The following PDE6A variants were observed in gnomAD, a reference collection of about 807,000 sequenced individuals.
PDE6A encodes the protein phosphodiesterase 6A, also known as rod cGMP-specific 3',5'-cyclic phosphodiesterase subunit alpha.
PDE6A carries 84 observed loss-of-function variants against 106.3 expected under a neutral mutation model. The ratio of observed to expected loss-of-function variants is 0.79; its 90% CI spans 0.66 to 0.95. The LOEUF is 0.95. PDE6A is among the 40% of genes least tolerant of loss of function. The pLI, the probability that PDE6A is intolerant of heterozygous loss-of-function variation, is 0.00. For synonymous variants in PDE6A, 394 were observed against 386.6 expected (o/e 1.02, Z -0.23); for missense variants, 1,052 against 1,084.9 (o/e 0.97, Z 0.43).
At position 149,899,604 on chromosome 5, in the gene PDE6A, G is replaced by C. The variant is rs1752893608; in HGVS notation, c.1114-80C>G. Reference sequence around the variant, plus strand: ...GATGATAGATTTCACCCTACATCATGACCCTGATTGGCTGAGAGGAGGTGG... The same window carrying C: ...GATGATAGATTTCACCCTACATCATCACCCTGATTGGCTGAGAGGAGGTGG... On this transcript the variant is annotated intron_variant, in intron 8 of 21. Coordinates refer to ENST00000255266, the MANE Select transcript of PDE6A (RefSeq NM_000440.3). 5 of 1,396,628 alleles carry C rather than the reference G, an allele frequency of 3.6e-6. No individual in the cohort carries two copies. In the African/African-American group the frequency reaches 7.1e-5, roughly 20 times the overall value. 86.5% of individuals were successfully genotyped at this position (1,396,628 alleles called of 1,614,324 possible). A position where few individuals can be genotyped will look rare whatever the true frequency, so the allele number is the denominator to read the frequency against.
rs386405293 is a variant in PDE6A, at chr5:149,910,874, C to CTTTTTTTT, written c.999-3504_999-3497dup. On this transcript the variant is annotated intron_variant, in intron 6 of 21. Coordinates refer to ENST00000255266, the MANE Select transcript of PDE6A (RefSeq NM_000440.3). ...TTCCAAACAAGCCAGTTTCTTTTTC[C>CTTTTTTTT]TTTTTTTTTTTTTTTTTTTTTTTGA... Among the ~76,000 whole-genome samples, 40 of 87,144 alleles carry CTTTTTTTT rather than the reference C, an allele frequency of 4.6e-4. 1 individual carries two copies. The highest frequency in any genetic ancestry group is 9.8e-4 in the African/African-American group (21 of 21,496). 57.2% of individuals were successfully genotyped at this position (87,144 alleles called of 152,430 possible). A position where few individuals can be genotyped will look rare whatever the true frequency, so the allele number is the denominator to read the frequency against.
chr5:149,895,272 A>G lies in PDE6A; in HGVS notation c.1639T>C (p.Tyr547His). ...IPQEALVRFM[Y>H]SLSKGYRKIT... ...TTGCGGTAGCCCTTACTCAGGGAGT[A>G]CATGAACCGCACCAGGGCCTGTGAA... Residue 547 changes from tyrosine to histidine, a missense_variant, in exon 13 of 22, where the codon TAC becomes CAC. This residue lies in a region of PDE6A where 913 missense variants were observed against 915.2 expected (regional missense o/e 1.00). Coordinates refer to ENST00000255266, the MANE Select transcript of PDE6A (RefSeq NM_000440.3). 6.2e-7 allele frequency: 1 copy of G among 1,613,488 alleles called. No individual in the cohort carries two copies. The highest frequency in any genetic ancestry group is 8.5e-7 in the Non-Finnish European group (1 of 1,179,400).
chr5:149,931,160 C>T lies in PDE6A; in HGVS notation c.726G>A (p.Leu242=). The stretch of plus-strand genomic sequence containing the variant: ...CTTCAAAGACTTTGCTCCCAGACCA[C>T]AGCAGTATCTGAAAAAACACAAAAA... ...NCETRRGQIL[L]WSGSKVFEEL... is the part of the protein sequence containing the mutation. The change falls in exon 4 of 22, where the codon CTG becomes CTA. Residue 242 remains leucine (L), a synonymous_variant. Transcript: ENST00000255266. The T allele has an allele frequency of 1.2e-6, 2 of 1,614,082 alleles. No homozygotes were observed. Among genetic ancestry groups the T allele is most frequent in the Non-Finnish European group, 8.5e-7 (1 of 1,180,012 alleles).
intron 6 of PDE6A, among the ~76,000 whole-genome samples, chr5:149,912,497 T>C (rs1387697716): frequency 6.6e-6 from 1 of 152,160 alleles, no homozygotes; most frequent in Non-Finnish European, 1.5e-5. Context: ...CTTTGACCAA[T>C]AAAATGTGAG....
intron 5 of PDE6A, among the ~76,000 whole-genome samples, chr5:149,916,934 G>A (rs1753571316): frequency 6.6e-6 from 1 of 152,122 alleles, no homozygotes; most frequent in Admixed American, 6.5e-5. Context: ...CCTGTCTTGT[G>A]AACTCTTTAC....
Position 149,884,845 on chromosome 5 carries a change from G to T in PDE6A, c.1861C>A (p.Leu621Ile), listed in dbSNP as rs745388057. ...CTTTCCAAGATAGAGGACCCATGGA[G>T]CTTGGCCAGTGGGTTCTGGGATCTG... is the stretch of plus-strand genomic sequence containing the variant. ...QMKSQNPLAK[L>I]HGSSILERHH... Residue 621 changes from leucine to isoleucine, a missense_variant, in exon 15 of 22, where the codon CTC becomes ATC. Coordinates refer to ENST00000255266, the MANE Select transcript of PDE6A (RefSeq NM_000440.3). 2 of 1,613,902 alleles carry T rather than the reference G, an allele frequency of 1.2e-6. No homozygotes were observed. The highest frequency in any genetic ancestry group is 4.5e-5 in the East Asian group (2 of 44,900).
intron 17 of PDE6A, among the ~76,000 whole-genome samples, chr5:149,875,311 A>G (rs979109802): frequency 1.1e-4 from 17 of 152,168 alleles, no homozygotes; most frequent in Admixed American, 2.6e-4. Flanking sequence ...AAATGTCAAC[A>G]GGGCTGAGAC....
intron 6 of PDE6A, among the ~76,000 whole-genome samples, chr5:149,910,049 G>A (rs1456235366): frequency 6.6e-6 from 1 of 152,070 alleles, no homozygotes; most frequent in Non-Finnish European, 1.5e-5. Context: ...TTGTATTTCT[G>A]TTAGTTTTTG....
chr5:149,886,236 G>T (rs1752295378), intron 14 of PDE6A, 29 bp downstream of exon 14: 2 of 1,480,838 alleles, frequency 1.4e-6, no homozygotes, highest in East Asian at 4.5e-5. Flanking sequence ...AATCCGGAGG[G>T]TTGGGTGTGG....
intron 16 of PDE6A, 86 bp from the exon 17 acceptor site, chr5:149,883,622 G>C: frequency 1.1e-6 from 1 of 916,142 alleles, no homozygotes. Flanking sequence ...TTCAGATGGA[G>C]CCTTATTAAA....
At position 149,863,764 on chromosome 5, in the gene PDE6A, C is replaced by T. The variant is rs1760229079; in HGVS notation, c.2359-498G>A. On this transcript the variant is annotated intron_variant, in intron 20 of 21. Coordinates refer to ENST00000255266, the MANE Select transcript of PDE6A (RefSeq NM_000440.3). The surrounding 1 kb of genome is among the most constrained non-coding windows in gnomAD (Gnocchi z 4.7). ...TCAGCCTCCCAAGTAGCTGGAACTA[C>T]AGGCTCATGCCACCACACCCAGGTA... Among the ~76,000 whole-genome samples the T allele has an allele frequency of 6.6e-6, 1 of 152,182 alleles. No individual in the cohort carries two copies. The highest frequency in any genetic ancestry group is 6.5e-5 in the Admixed American group (1 of 15,274).
chr5:149,930,980 GTC>G, intron 4 of PDE6A, 46 bp downstream of exon 4: 1 of 1,594,296 alleles, frequency 6.3e-7, no homozygotes, highest in East Asian at 2.2e-5. Context: ...GTCAGTCAGT[GTC>G]TGTTTAATCT....
At chr5:149,915,882 T>C (rs927009088) in intron 5 of PDE6A, among the ~76,000 whole-genome samples, 2 of 152,226 alleles carry the variant, frequency 1.3e-5, no homozygotes, top group African/African-American at 2.4e-5. Context: ...GGACTAATTT[T>C]ACCCACTGCC....
chr5:149,902,087 A>G (rs1477127581), intron 8 of PDE6A, among the ~76,000 whole-genome samples: 2 of 152,226 alleles, frequency 1.3e-5, no homozygotes, highest in African/African-American at 4.8e-5. Flanking sequence ...TAAGGAAAAT[A>G]CATAAGAGAC....
intron 16 of PDE6A, among the ~76,000 whole-genome samples, chr5:149,883,859 G>A (rs760259925): frequency 1.3e-5 from 2 of 152,148 alleles, no homozygotes; most frequent in African/African-American, 4.8e-5. Context: ...CATAGTATAT[G>A]CTAAATTAAT....
At chr5:149,867,479 C>T (rs755318400) in intron 19 of PDE6A, 113 of 595,024 alleles carry the variant, frequency 1.9e-4, no homozygotes, top group Non-Finnish European at 3.0e-4. Flanking sequence ...GCATTCATTG[C>T]AGGGGCCCAC....
intron 5 of PDE6A, among the ~76,000 whole-genome samples, chr5:149,917,325 A>G (rs546609766): frequency 1.3e-5 from 2 of 152,250 alleles, no homozygotes; most frequent in South Asian, 4.2e-4. Context: ...CTGTTCCTTT[A>G]CTACAGGTAT....
chr5:149,908,387 G>A (rs1753270089), intron 6 of PDE6A, among the ~76,000 whole-genome samples: 1 of 152,110 alleles, frequency 6.6e-6, no homozygotes, highest in African/African-American at 2.4e-5. Context: ...ACTAGATGAG[G>A]CCAAACTGTT....
chr5:149,924,105 G>A (rs1476169200), intron 4 of PDE6A, among the ~76,000 whole-genome samples: 4 of 152,094 alleles, frequency 2.6e-5, no homozygotes, highest in Non-Finnish European at 4.4e-5. Flanking sequence ...GGCCCTACCT[G>A]AGCCCCACAA....
Sources: allele counts gnomAD v4.1 joint callset (sites outside exome capture counted in the v4.1 genomes callset), GRCh38; gene constraint gnomAD v4.1.1; regional missense constraint gnomAD v4.1.1; non-coding constraint Gnocchi (gnomAD v3.1); transcripts MANE v1.5; gene names NCBI Gene and HGNC (gene_info 2026-07-23, HGNC 2026-07-21).